MYCBP2: variants seen among roughly 807,000 people sequenced by gnomAD.
MYCBP2 encodes the protein MYC binding protein 2, also known as E3 ubiquitin-protein ligase MYCBP2.
In MYCBP2, 120 loss-of-function variants were observed where a neutral mutation model predicts 525.3. The ratio of observed to expected loss-of-function variants is 0.23; its 90% confidence interval spans 0.20 to 0.27. The LOEUF is 0.27. Ranked by LOEUF, MYCBP2 falls within the 10% of genes least tolerant of loss-of-function variation. The probability of loss-of-function intolerance (pLI) is 1.00; values close to 1 mark genes in which losing one functional copy is unlikely to be tolerated. For synonymous variants in MYCBP2, 1,894 were observed against 1,955.8 expected (o/e 0.97, Z 0.83); for missense variants, 4,149 against 5,657.1 (o/e 0.73, Z 8.55).
intron 26 of MYCBP2, among the ~76,000 whole-genome samples, chr13:77,196,571 C>T (rs1037620864): frequency 3.3e-5 from 5 of 152,118 alleles, no homozygotes; most frequent in Non-Finnish European, 5.9e-5. Flanking sequence ...AAAGTGGAAA[C>T]GATAATATTT....
intron 8 of MYCBP2, among the ~76,000 whole-genome samples, chr13:77,264,641 C>A (rs573313615): frequency 1.3e-5 from 2 of 152,172 alleles, no homozygotes; most frequent in African/African-American, 2.4e-5. Flanking sequence ...GGCTAGAATA[C>A]CATATTTCAT....
At chr13:77,089,647 G>T (rs1934738) in intron 60 of MYCBP2, among the ~76,000 whole-genome samples, 3,360 of 148,578 alleles carry the variant, frequency 0.023, 59 homozygotes, top group African/African-American at 0.033. Context: ...TCATGTAACT[G>T]TTTTTTTTTT....
rs779606461 is a variant in MYCBP2 at position 77,158,047 on chromosome 13, T to A, written c.6660A>T (p.Ile2220=). The A allele has an allele frequency of 6.2e-6, 10 of 1,613,322 alleles. No homozygotes were observed. The highest frequency in any genetic ancestry group is 6.8e-6 in the Non-Finnish European group (8 of 1,179,616). The change falls in exon 45 of 83, where the codon ATA becomes ATT. Residue 2220 remains isoleucine (I), a synonymous_variant. Transcript: ENST00000544440. ...KGLALSHSPT[I]LEALEGNLPL... is the part of the protein sequence containing the mutation. ...GTAAATTTCCCTCAAGTGCTTCTAA[T>A]ATAGTTGGTGAATGAGAAAGAGCTA...
intron 35 of MYCBP2, 80 bp downstream of exon 35, chr13:77,177,668 C>A: frequency 2.6e-6 from 3 of 1,167,132 alleles, no homozygotes; most frequent in Admixed American, 3.8e-5. Flanking sequence ...ATCTAGTAAA[C>A]CCCTGAACAT....
intron 1 of MYCBP2, among the ~76,000 whole-genome samples, chr13:77,306,147 G>GCAGTCAA (rs2079389814): frequency 6.6e-6 from 1 of 152,064 alleles, no homozygotes; most frequent in African/African-American, 2.4e-5. Flanking sequence ...CACAAATAAA[G>GCAGTCAA]AATTAACAAG....
At chr13:77,128,759 A>G (rs1445478754) in intron 52 of MYCBP2, among the ~76,000 whole-genome samples, 3 of 151,950 alleles carry the variant, frequency 2.0e-5, no homozygotes, top group Non-Finnish European at 4.4e-5. Context: ...GAATTTCAAT[A>G]TTATTATTTT....
intron 26 of MYCBP2, among the ~76,000 whole-genome samples, chr13:77,203,796 A>G (rs939499333): frequency 2.0e-5 from 3 of 151,974 alleles, no homozygotes; most frequent in African/African-American, 7.2e-5. Context: ...GAAATGGGGA[A>G]AGGATTCCCT....
chr13:77,302,538 T>C (rs2078919032), intron 1 of MYCBP2, among the ~76,000 whole-genome samples: 1 of 152,164 alleles, frequency 6.6e-6, no homozygotes, highest in Non-Finnish European at 1.5e-5. Flanking sequence ...TAAAGGATTC[T>C]AAAAGTATCC....
intron 41 of MYCBP2, among the ~76,000 whole-genome samples, chr13:77,166,106 T>A (rs896987450): frequency 2.6e-5 from 4 of 152,186 alleles, no homozygotes; most frequent in African/African-American, 9.7e-5. Flanking sequence ...AGCTAATCTT[T>A]TTTTCACAAA....
At chr13:77,070,009 T>A (rs2040899983) in intron 69 of MYCBP2, among the ~76,000 whole-genome samples, 1 of 152,292 alleles carries the variant, frequency 6.6e-6, no homozygotes, top group African/African-American at 2.4e-5. Context: ...TTTAAAAATA[T>A]TAACACTGGT....
At chr13:77,061,567 G>A (rs1206360942) in intron 75 of MYCBP2, 95 bp downstream of exon 75, 5 of 1,409,558 alleles carry the variant, frequency 3.5e-6, no homozygotes, top group Non-Finnish European at 4.8e-6. Context: ...TGATTCCAAA[G>A]TCCACTTTTT....
At chr13:77,202,303 A>G (rs1158244482) in intron 26 of MYCBP2, among the ~76,000 whole-genome samples, 1 of 152,230 alleles carries the variant, frequency 6.6e-6, no homozygotes, top group East Asian at 1.9e-4. Context: ...GAAATGGATA[A>G]GGGATTCCTG....
At chr13:77,061,626 G>A in intron 75 of MYCBP2, 36 bp downstream of exon 75, 1 of 1,597,304 alleles carries the variant, frequency 6.3e-7, no homozygotes, top group South Asian at 1.1e-5. Context: ...AAAATTCACT[G>A]AACATATTTT....
intron 1 of MYCBP2, among the ~76,000 whole-genome samples, chr13:77,297,113 T>C (rs139954555): frequency 1.0e-3 from 157 of 152,306 alleles, no homozygotes; most frequent in Non-Finnish European, 1.8e-3. Flanking sequence ...CCCCAGCTCA[T>C]ATACTTTATG....
intron 40 of MYCBP2, among the ~76,000 whole-genome samples, chr13:77,167,382 C>T (rs1433727723): frequency 1.3e-5 from 2 of 152,084 alleles, no homozygotes; most frequent in African/African-American, 4.8e-5. Context: ...GGAATGACTG[C>T]AAGAGGGGTG....
intron 46 of MYCBP2, among the ~76,000 whole-genome samples, chr13:77,154,364 G>A (rs2056943042): frequency 6.7e-6 from 1 of 148,546 alleles, no homozygotes; most frequent in South Asian, 2.1e-4. Flanking sequence ...AGGAAGAAAA[G>A]AAGGAAAAAG....
At chr13:77,229,166 G>A (rs2066774432) in intron 18 of MYCBP2, among the ~76,000 whole-genome samples, 1 of 152,170 alleles carries the variant, frequency 6.6e-6, no homozygotes, top group South Asian at 2.1e-4. Flanking sequence ...ACTGGACACT[G>A]GACCTTCTGG....
intron 7 of MYCBP2, among the ~76,000 whole-genome samples, chr13:77,268,643 G>C (rs2074424890): frequency 6.6e-6 from 1 of 152,052 alleles, no homozygotes; most frequent in Non-Finnish European, 1.5e-5. Flanking sequence ...GCTGGACGTG[G>C]TGGTGGGCAC....
At position 77,185,742 on chromosome 13, in the gene MYCBP2, T is replaced by C. The variant is rs562513180; in HGVS notation, c.4444+129A>G. On this transcript the variant is annotated intron_variant, in intron 31 of 82. Coordinates refer to ENST00000544440, the MANE Select transcript of MYCBP2 (RefSeq NM_015057.5). Reference sequence around the variant, plus strand: ...TACATAAGCATCATAGCAAGCTGACTTTCTCCCCTCATTTTAGAAGCAGCT... The same window carrying C: ...TACATAAGCATCATAGCAAGCTGACCTTCTCCCCTCATTTTAGAAGCAGCT... 2.9e-5 allele frequency: 19 copies of C among 647,556 alleles called. No individual in the cohort carries two copies. The Middle Eastern group carries it at 1.6e-3, about 54-fold the overall frequency. 40.1% of individuals were successfully genotyped at this position (647,556 alleles called of 1,614,324 possible). A position where few individuals can be genotyped will look rare whatever the true frequency, so the allele number is the denominator to read the frequency against.
Sources: allele counts gnomAD v4.1 joint callset (sites outside exome capture counted in the v4.1 genomes callset), GRCh38; gene constraint gnomAD v4.1.1; transcripts MANE v1.5; gene names NCBI Gene and HGNC (gene_info 2026-07-23, HGNC 2026-07-21).